The following SLC9A9 variants were observed in gnomAD, a reference collection of about 807,000 sequenced individuals.
SLC9A9 encodes the protein sodium/hydrogen exchanger 9.
Under a neutral mutation model 77.8 loss-of-function variants are expected in SLC9A9, and 62 were observed. The ratio of observed to expected loss-of-function variants is 0.80; its 90% CI spans 0.65 to 0.98. SLC9A9 has a LOEUF of 0.98. SLC9A9 is among the 50% of genes least tolerant of loss of function. The pLI, the probability that SLC9A9 is intolerant of heterozygous loss-of-function variation, is 0.00. For missense variants in SLC9A9, 775 were observed against 774.9 expected, an observed-to-expected ratio of 1.00 and a Z score of 0.00; for synonymous variants, 320 against 283.5, an observed-to-expected ratio of 1.13 and a Z score of -1.29.
intron 9 of SLC9A9, among the ~76,000 whole-genome samples, chr3:143,540,590 G>T (rs2036671401): frequency 6.6e-6 from 1 of 152,160 alleles, no homozygotes; most frequent in South Asian, 2.1e-4. Context: ...AATTGAAAAT[G>T]ATCAGGATCA....
intron 4 of SLC9A9, among the ~76,000 whole-genome samples, chr3:143,716,859 T>C (rs1934366043): frequency 6.6e-6 from 1 of 152,170 alleles, no homozygotes; most frequent in Non-Finnish European, 1.5e-5. Flanking sequence ...ATGTGGCTCT[T>C]TTGCTGTTGG....
intron 2 of SLC9A9, among the ~76,000 whole-genome samples, chr3:143,816,584 T>C (rs2009024000): frequency 6.6e-6 from 1 of 152,208 alleles, no homozygotes. Context: ...TTTTTTCCCT[T>C]CTCTTGTTAC....
rs116200771 is a variant in SLC9A9 at position 143,615,318 on chromosome 3, C to G, written c.756-36595G>C. Among the ~76,000 whole-genome samples the G allele has an allele frequency of 7.6e-3, 1,154 of 152,312 alleles. 14 individuals are homozygous for G. The highest frequency in any genetic ancestry group is 0.027 in the African/African-American group (1,108 of 41,560). The stretch of plus-strand genomic sequence containing the variant: ...TATCCTTCCAAGAATAGTTCAAACT[C>G]ACTTTATGAATGAATCACCTGGTAA... On this transcript the variant is annotated intron_variant, in intron 6 of 15. Coordinates refer to ENST00000316549, the MANE Select transcript of SLC9A9 (RefSeq NM_173653.4).
intron 4 of SLC9A9, among the ~76,000 whole-genome samples, chr3:143,696,776 A>G (rs1933653752): frequency 6.6e-6 from 1 of 152,172 alleles, no homozygotes; most frequent in Admixed American, 6.6e-5. Flanking sequence ...AGAAGCCATT[A>G]AATTGGATAT....
intron 14 of SLC9A9, among the ~76,000 whole-genome samples, chr3:143,324,976 A>G (rs1191889486): frequency 6.6e-6 from 1 of 151,852 alleles, no homozygotes; most frequent in Non-Finnish European, 1.5e-5. Flanking sequence ...AACATTTTCC[A>G]TGGAAAAATA....
chr3:143,808,400 T>A (rs1342717052), intron 2 of SLC9A9, among the ~76,000 whole-genome samples: 1 of 152,238 alleles, frequency 6.6e-6, no homozygotes, highest in African/African-American at 2.4e-5. Flanking sequence ...TACATTAATT[T>A]ATTTTCAGAA....
chr3:143,389,873 G>A (rs1330367262), intron 12 of SLC9A9, among the ~76,000 whole-genome samples: 3 of 152,068 alleles, frequency 2.0e-5, no homozygotes, highest in Non-Finnish European at 2.9e-5. Flanking sequence ...GTTAGAGGGA[G>A]AAGGAAGAAA....
At chr3:143,794,037 T>C (rs563307600) in intron 4 of SLC9A9, among the ~76,000 whole-genome samples, 53 of 152,346 alleles carry the variant, frequency 3.5e-4, no homozygotes, top group African/African-American at 1.3e-3. Context: ...TAACATGGCC[T>C]GACTTGTTCT....
intron 14 of SLC9A9, among the ~76,000 whole-genome samples, chr3:143,283,978 T>C (rs916207874): frequency 6.6e-6 from 1 of 152,132 alleles, no homozygotes; most frequent in Non-Finnish European, 1.5e-5. Flanking sequence ...CATTCTCTCC[T>C]TGTAAAAATA....
chr3:143,455,796 G>T (rs1372972441), intron 12 of SLC9A9, among the ~76,000 whole-genome samples: 2 of 142,920 alleles, frequency 1.4e-5, no homozygotes, highest in Non-Finnish European at 1.5e-5. Flanking sequence ...ATTTCTAGAA[G>T]TTTTTTTTTT....
chr3:143,804,496 T>G lies in SLC9A9; in HGVS notation c.379-7593A>C, dbSNP rs2008656556. The stretch of plus-strand genomic sequence containing the variant: ...TGCCGCCCTAGCTGGATCCCTAGGA[T>G]TCTGGGTACAAGACACCCCTTTCAG... On this transcript the variant is annotated intron_variant, in intron 2 of 15. Coordinates refer to ENST00000316549, the MANE Select transcript of SLC9A9 (RefSeq NM_173653.4). Among the ~76,000 whole-genome samples the G allele has an allele frequency of 3.3e-5, 5 of 152,268 alleles. No homozygotes were observed. The South Asian group carries it at 6.2e-4, about 19-fold the overall frequency.
intron 5 of SLC9A9, among the ~76,000 whole-genome samples, chr3:143,655,998 A>T (rs2038881439): frequency 6.6e-6 from 1 of 152,184 alleles, no homozygotes; most frequent in Non-Finnish European, 1.5e-5. Context: ...CTGAAGACAG[A>T]GAGAAAGGAT....
intron 9 of SLC9A9, among the ~76,000 whole-genome samples, chr3:143,548,033 G>A (rs1408286338): frequency 6.6e-6 from 1 of 152,224 alleles, no homozygotes; most frequent in African/African-American, 2.4e-5. Context: ...AGGTAGAAAG[G>A]TAAGTAGAAA....
intron 6 of SLC9A9, among the ~76,000 whole-genome samples, chr3:143,618,500 C>T (rs1278638545): frequency 1.3e-5 from 2 of 152,170 alleles, no homozygotes; most frequent in East Asian, 1.9e-4. Context: ...AAACCACAGA[C>T]ATCCCACAGG....
At chr3:143,474,704 A>C (rs2035439333) in intron 11 of SLC9A9, among the ~76,000 whole-genome samples, 2 of 151,860 alleles carry the variant, frequency 1.3e-5, no homozygotes, top group Non-Finnish European at 1.5e-5. Context: ...ATTAGATATG[A>C]GTGTGGAGTT....
chr3:143,420,776 A>G (rs1274281763), intron 12 of SLC9A9, among the ~76,000 whole-genome samples: 1 of 152,162 alleles, frequency 6.6e-6, no homozygotes, highest in Non-Finnish European at 1.5e-5. Flanking sequence ...CAAGAAACAA[A>G]GCTCAAATCA....
intron 6 of SLC9A9, among the ~76,000 whole-genome samples, chr3:143,623,286 T>C (rs1249406044): frequency 6.6e-6 from 1 of 152,142 alleles, no homozygotes; most frequent in African/African-American, 2.4e-5. Flanking sequence ...TACAGAATTC[T>C]CCACCCCAAA....
intron 12 of SLC9A9, 68 bp from the exon 13 acceptor site, chr3:143,382,182 G>C (rs1250758567): frequency 3.9e-6 from 6 of 1,524,476 alleles, no homozygotes; most frequent in Non-Finnish European, 5.5e-6. Flanking sequence ...TTGTGTGTCA[G>C]ATGACCTAAC....
chr3:143,421,970 CA>C (rs2034304864), intron 12 of SLC9A9, among the ~76,000 whole-genome samples: 1 of 152,014 alleles, frequency 6.6e-6, no homozygotes, highest in Non-Finnish European at 1.5e-5. Flanking sequence ...TTCAAGTGGA[CA>C]ATAAACATAT....
Sources: allele counts gnomAD v4.1 joint callset (sites outside exome capture counted in the v4.1 genomes callset), GRCh38; gene constraint gnomAD v4.1.1; transcripts MANE v1.5; gene names NCBI Gene and HGNC (gene_info 2026-07-23, HGNC 2026-07-21).